RREB1: variants seen among roughly 807,000 people sequenced by gnomAD.
RREB1 encodes the protein ras-responsive element-binding protein 1.
RREB1 carries 27 observed loss-of-function variants against 117.8 expected under a neutral mutation model. The observed-to-expected ratio is 0.23, with a 90% CI of 0.17 to 0.32. The LOEUF (loss-of-function observed/expected upper bound fraction) is 0.32, where lower values mean the gene tolerates loss of function less well. Among genes scored for constraint, RREB1 ranks in the 10% least tolerant of loss-of-function variants. The pLI, the probability that RREB1 is intolerant of heterozygous loss-of-function variation, is 1.00. For missense variants in RREB1, 2,577 were observed against 2,378.2 expected (o/e 1.08, Z -1.74); for synonymous variants, 1,298 against 1,026.7 (o/e 1.26, Z -5.05).
chr6:7,222,638 G>C, intron 8 of RREB1, among the ~76,000 whole-genome samples: 1 of 152,126 alleles, frequency 6.6e-6, no homozygotes, highest in Non-Finnish European at 1.5e-5. Context: ...ACAGACACAG[G>C]CATAAGAGAC....
At chr6:7,123,167 T>G (rs1280403248) in intron 1 of RREB1, among the ~76,000 whole-genome samples, 2 of 152,106 alleles carry the variant, frequency 1.3e-5, no homozygotes, top group Non-Finnish European at 2.9e-5. Context: ...AATGTGTTTT[T>G]TTTTTTTGGA....
intron 1 of RREB1, among the ~76,000 whole-genome samples, chr6:7,142,128 T>C (rs1418054121): frequency 6.6e-6 from 1 of 151,554 alleles, no homozygotes; most frequent in Admixed American, 6.6e-5. Flanking sequence ...GGCAGGAGAA[T>C]CGCTTGAACT....
chr6:7,210,178 T>C (rs749377779), intron 6 of RREB1, among the ~76,000 whole-genome samples: 1 of 152,240 alleles, frequency 6.6e-6, no homozygotes, highest in Non-Finnish European at 1.5e-5. Context: ...CCTGTAGATA[T>C]TAGAGTTACC....
intron 1 of RREB1, among the ~76,000 whole-genome samples, chr6:7,158,403 A>G (rs1763486620): frequency 6.6e-6 from 1 of 151,900 alleles, no homozygotes; most frequent in Admixed American, 6.6e-5. Flanking sequence ...TTCTCAGCCT[A>G]CACCCCCTAC....
At chr6:7,138,844 T>A (rs1762449218) in intron 1 of RREB1, among the ~76,000 whole-genome samples, 2 of 152,222 alleles carry the variant, frequency 1.3e-5, no homozygotes, top group South Asian at 4.1e-4. Flanking sequence ...GAGAAGGTAA[T>A]CCTCCGTAAT....
At chr6:7,148,817 A>G (rs1031562305) in intron 1 of RREB1, among the ~76,000 whole-genome samples, 1 of 152,226 alleles carries the variant, frequency 6.6e-6, no homozygotes, top group South Asian at 2.1e-4. Context: ...ACCTTTCAGT[A>G]TAGTCAGACA....
rs772580468 is a variant in RREB1, at chr6:7,231,510, G to C, written c.3411G>C (p.Glu1137Asp). ...CTCCCGCTCCAGCCAGCAGCCCAGA[G>C]GCTGCCTCTCCCACCGAGCAGGGCC... ...SEPPAPASSP[E>D]AASPTEQGPA... The change falls in exon 10 of 13, where the codon GAG becomes GAC. Residue 1137 changes from glutamate (E) to aspartate (D), a missense_variant. Coordinates refer to ENST00000379938, the MANE Select transcript of RREB1 (RefSeq NM_001003699.4). 6 of 1,609,694 alleles carry C rather than the reference G, an allele frequency of 3.7e-6. No homozygotes were observed. The highest frequency in any genetic ancestry group is 5.1e-6 in the Non-Finnish European group (6 of 1,178,012).
intron 2 of RREB1, among the ~76,000 whole-genome samples, chr6:7,178,306 T>A (rs6935691): frequency 0.28 from 41,957 of 152,138 alleles, 6,991 homozygotes; most frequent in African/African-American, 0.47. Flanking sequence ...AAAATGTTAG[T>A]AATGGTCTTT....
At position 7,251,622 on chromosome 6, in the gene RREB1, G is replaced by A. The variant is rs903676019; in HGVS notation, c.*2654G>A. On this transcript the variant is annotated 3_prime_UTR_variant, in exon 13 of 13. Transcript: ENST00000379938. ...TTCCAAGCAGCGCTGGGGAAGCTAC[G>A]TAACAGTCGGATGCCAGTTTTGGAA... is the stretch of plus-strand genomic sequence containing the variant. 2 of 151,628 alleles carry A rather than the reference G, an allele frequency of 1.3e-5. No homozygotes were observed. Among genetic ancestry groups the A allele is most frequent in the Admixed American group, 6.6e-5 (1 of 15,166 alleles). The allele number at this position is 151,628 out of a possible 1,614,324, so 9.4% of individuals were successfully genotyped here.
At chr6:7,128,648 G>A (rs1427860234) in intron 1 of RREB1, among the ~76,000 whole-genome samples, 1 of 151,440 alleles carries the variant, frequency 6.6e-6, no homozygotes, top group East Asian at 1.9e-4. Flanking sequence ...GGTGATACCT[G>A]GAGAGTTTCT....
intron 3 of RREB1, 134 bp downstream of exon 3, chr6:7,181,380 T>C: frequency 2.5e-6 from 1 of 401,346 alleles, no homozygotes; most frequent in Middle Eastern, 6.2e-4. Context: ...CGTTGGCTTC[T>C]TAAATCTCTT....
intron 6 of RREB1, among the ~76,000 whole-genome samples, chr6:7,207,130 G>A (rs537604202): frequency 6.6e-6 from 1 of 152,284 alleles, no homozygotes; most frequent in African/African-American, 2.4e-5. Flanking sequence ...CAGCTGGTAG[G>A]AATTCCTGCC....
At chr6:7,174,901 G>A (rs750354420) in intron 1 of RREB1, among the ~76,000 whole-genome samples, 24 of 152,080 alleles carry the variant, frequency 1.6e-4, no homozygotes, top group Admixed American at 8.5e-4. Context: ...GAGCCACCGC[G>A]CCTGGCCTAT....
chr6:7,246,503 G>A lies in RREB1; in HGVS notation c.4053G>A (p.Ser1351=). The A allele has an allele frequency of 6.5e-7, 1 of 1,545,174 alleles. No individual in the cohort carries two copies. The highest frequency in any genetic ancestry group is 8.7e-7 in the Non-Finnish European group (1 of 1,144,962). Residue 1351 remains serine, a synonymous_variant, in exon 12 of 13, where the codon TCG becomes TCA. Transcript: ENST00000379938. ...CCTCACGGGACAGAGAGCAGCCGTC[G>A]GAGGGCGCCACTGAGCTCCGCCAGG... The part of the protein sequence containing the change: ...DLTSRDREQP[S]EGATELRQVA...
At position 7,231,656 on chromosome 6, in the gene RREB1, C is replaced by T; in HGVS notation, c.3557C>T (p.Ala1186Val). 1.2e-6 allele frequency: 2 copies of T among 1,611,666 alleles called. No individual in the cohort carries two copies. The highest frequency in any genetic ancestry group is 1.7e-6 in the Non-Finnish European group (2 of 1,178,730). Reference protein sequence around the residue: ...GEFASIEKMLATTDTNKFSPF... With the variant: ...GEFASIEKMLVTTDTNKFSPF... ...TTTGCCAGCATCGAGAAGATGCTGGCCACCACAGACACCAACAAGTTCAGT... is the reference window on the plus strand; with the variant it reads ...TTTGCCAGCATCGAGAAGATGCTGGTCACCACAGACACCAACAAGTTCAGT... The change falls in exon 10 of 13, where the codon GCC becomes GTC. Residue 1186 changes from alanine to valine, a missense_variant. By Grantham distance (64) the Ala-to-Val change is moderately conservative. Transcript: ENST00000379938.
chr6:7,251,529 A>G lies in RREB1; in HGVS notation c.*2561A>G, dbSNP rs1178812435. On this transcript the variant is annotated 3_prime_UTR_variant, in exon 13 of 13. Coordinates refer to ENST00000379938, the MANE Select transcript of RREB1 (RefSeq NM_001003699.4). ...TTTTTTTTCTCATTGATTAATGGAC[A>G]TGATGCTGAGATTCAATCACTACAT... 2 of 135,818 alleles carry G rather than the reference A, an allele frequency of 1.5e-5. No homozygotes were observed. Among genetic ancestry groups the G allele is most frequent in the African/African-American group, 2.9e-5 (1 of 34,766 alleles). The allele number at this position is 135,818 out of a possible 1,614,324, so 8.4% of individuals were successfully genotyped here. A position where few individuals can be genotyped will look rare whatever the true frequency, so the allele number is the denominator to read the frequency against.
intron 1 of RREB1, among the ~76,000 whole-genome samples, chr6:7,138,695 C>T (rs941967303): frequency 2.0e-5 from 3 of 152,114 alleles, no homozygotes; most frequent in Non-Finnish European, 2.9e-5. Context: ...GGTTAAGGCA[C>T]CCACCAGTAT....
Position 7,249,702 on chromosome 6 carries a change from A to C in RREB1, c.*734A>C, listed in dbSNP as rs1470754997. ...TCAAGACATCCATTCTTAACTATAG[A>C]GAAGAGTTACTCCCCTGGCGTCTTA... On this transcript the variant is annotated 3_prime_UTR_variant, in exon 13 of 13. Transcript: ENST00000379938. The C allele has an allele frequency of 6.6e-6, 1 of 152,156 alleles. No homozygotes were observed. Among genetic ancestry groups the C allele is most frequent in the East Asian group, 1.9e-4 (1 of 5,206 alleles). 9.4% of individuals were successfully genotyped at this position (152,156 alleles called of 1,614,324 possible).
At position 7,247,017 on chromosome 6, in the gene RREB1, G is replaced by A. The variant is rs35753273; in HGVS notation, c.4567G>A (p.Ala1523Thr). 29 of 1,610,882 alleles carry A rather than the reference G, an allele frequency of 1.8e-5. No homozygotes were observed. In the African/African-American group the frequency reaches 3.1e-4, roughly 17 times the overall value. Residue 1523 changes from alanine (A) to threonine (T), a missense_variant, in exon 12 of 13, where the codon GCG becomes ACG. Transcript: ENST00000379938. ...GAGEAPAEKL[A>T]EETEGPSDGE... ...CGGGGAGGCCCCGGCGGAAAAGCTC[G>A]CGGAGGAGACGGAGGGCCCCTCCGA...
Sources: gnomAD v4.1 joint callset for allele counts (sites outside exome capture counted in the v4.1 genomes callset) on GRCh38, gnomAD v4.1.1 for gene constraint, MANE v1.5 for transcripts, NCBI Gene and HGNC (gene_info 2026-07-23, HGNC 2026-07-21) for gene names.